Variants in FBXO27 observed in about 807,000 individuals in gnomAD.
The protein encoded by FBXO27 is F-box protein 27, also known as F-box only protein 27.
In FBXO27, 28 loss-of-function variants were observed where a neutral mutation model predicts 28.3. The observed-to-expected ratio is 0.99, with a 90% CI of 0.73 to 1.36. The LOEUF is 1.36. Ranked by LOEUF, FBXO27 falls within the 40% of genes most tolerant of loss-of-function variation. The pLI, the probability that FBXO27 is intolerant of heterozygous loss-of-function variation, is 0.00. For synonymous variants in FBXO27, 175 were observed against 167.3 expected, an observed-to-expected ratio of 1.05 and a Z score of -0.36; for missense variants, 388 against 394.1, an observed-to-expected ratio of 0.98 and a Z score of 0.13.
At chr19:39,011,227 T>C (rs931709332) in intron 2 of FBXO27, among the ~76,000 whole-genome samples, 1 of 152,166 alleles carries the variant, frequency 6.6e-6, no homozygotes, top group Non-Finnish European at 1.5e-5. Flanking sequence ...GGTCAGGAGT[T>C]TGAGACCACC....
downstream of FBXO27, among the ~76,000 whole-genome samples, chr19:39,022,861 G>A (rs1048224602): frequency 5.3e-5 from 8 of 151,936 alleles, no homozygotes; most frequent in Admixed American, 2.0e-4. Context: ...GCAATGGCGC[G>A]ATCTTGGCTT....
chr19:39,020,755 C>CA (rs61577516), downstream of FBXO27, among the ~76,000 whole-genome samples: 214 of 105,264 alleles, frequency 2.0e-3, 4 homozygotes, highest in East Asian at 0.013. Context: ...GTGGATATGG[C>CA]AAAAAAAAAA....
At chr19:39,022,860 C>T (rs151095767), downstream of FBXO27, among the ~76,000 whole-genome samples, 341 of 151,992 alleles carry the variant, frequency 2.2e-3, 2 homozygotes, top group African/African-American at 7.9e-3. Context: ...AGCAATGGCG[C>T]GATCTTGGCT....
In FBXO27 at chr19:39,016,374, G is replaced by GTC. The variant is rs527714110; in HGVS notation, c.92-1828_92-1827insGA. Among the ~76,000 whole-genome samples, 629 of 151,992 alleles carry GTC rather than the reference G, an allele frequency of 4.1e-3. 7 individuals are homozygous for GTC. Among genetic ancestry groups the GTC allele is most frequent in the African/African-American group, 0.014 (588 of 41,464 alleles). ...TAGCGGGAAGGGTGTGTGTGTGTGT[G>GTC]TGCGTGAGGGGCTGGGGGAAACGGG... On this transcript the variant is annotated intron_variant, in intron 1 of 2. Coordinates refer to the FBXO27 transcript ENST00000598394.
At chr19:39,026,769 G>A in intron 5 of FBXO27, 101 bp downstream of exon 5, 1 of 1,552,148 alleles carries the variant, frequency 6.4e-7, no homozygotes, top group Non-Finnish European at 8.8e-7. Flanking sequence ...ACCGCACCCA[G>A]CCAGACTGTC....
In FBXO27 at chr19:39,031,955, A is replaced by G; in HGVS notation, c.273T>C (p.Ser91=). ...GGCAAGGCCTGGCGTTACGGGCGGG[A>G]GACTGGCAGCTGCGGGCGAGGTGCA... is the stretch of plus-strand genomic sequence containing the variant. ...ALLHLARSCQ[S]PARNARPCPL... is the part of the protein sequence containing the mutation. The change falls in exon 2 of 6, where the codon TCT becomes TCC. Residue 91 remains serine (S), a synonymous_variant. Transcript: ENST00000292853. 6.6e-7 allele frequency: 1 copy of G among 1,518,578 alleles called. No homozygotes were observed. The highest frequency in any genetic ancestry group is 8.7e-7 in the Non-Finnish European group (1 of 1,144,712). 94.1% of individuals were successfully genotyped at this position (1,518,578 alleles called of 1,614,324 possible). A position where few individuals can be genotyped will look rare whatever the true frequency, so the allele number is the denominator to read the frequency against.
chr19:39,023,191 C>T (rs114896922), downstream of FBXO27, among the ~76,000 whole-genome samples: 4,884 of 152,256 alleles, frequency 0.032, 262 homozygotes, highest in African/African-American at 0.11. Context: ...CTGCCGCGGT[C>T]CCCCAGAGTA....
intron 1 of FBXO27, among the ~76,000 whole-genome samples, chr19:39,015,032 A>AG: frequency 6.6e-6 from 1 of 150,550 alleles, no homozygotes; most frequent in African/African-American, 2.4e-5. Flanking sequence ...AAAAAAAAAA[A>AG]AGGTTGGGGG....
In FBXO27 at chr19:39,008,458, C is replaced by T. The variant is rs535492239; in HGVS notation, c.252+5929G>A. 1.2e-4 allele frequency among the ~76,000 whole-genome samples: 18 copies of T among 152,106 alleles called. 1 individual carries two copies. In the South Asian group the frequency reaches 2.9e-3, roughly 25 times the overall value. On this transcript the variant is annotated intron_variant, in intron 2 of 2. Coordinates refer to the FBXO27 transcript ENST00000598394. ...TGTTACAAAATCAGTATGTCTCATT[C>T]GGTCATTATAACTTTAGATTTTTTT... is the stretch of plus-strand genomic sequence containing the variant.
At chr19:39,027,060 T>C in intron 4 of FBXO27, 55 bp from the exon 5 acceptor site, 1 of 1,603,990 alleles carries the variant, frequency 6.2e-7, no homozygotes, top group Non-Finnish European at 8.5e-7. Flanking sequence ...TCTTTGGGTG[T>C]CTGCCTACCT....
intron 1 of FBXO27, among the ~76,000 whole-genome samples, chr19:39,016,663 T>C (rs1031966857): frequency 9.5e-5 from 14 of 147,634 alleles, no homozygotes; most frequent in African/African-American, 2.8e-4. Flanking sequence ...CACGCACCTG[T>C]AATTCCAGCT....
chr19:39,032,206 C>T lies in FBXO27; in HGVS notation c.22G>A (p.Gly8Ser). MGASVSR[G>S]RAARVPAPEP... ...GGCGCGGGGACCCGGGCGGCCCGGCCCCTGGAGACCGAGGCGCCCATGGTC... is the reference window on the plus strand; with the variant it reads ...GGCGCGGGGACCCGGGCGGCCCGGCTCCTGGAGACCGAGGCGCCCATGGTC... The change falls in exon 2 of 6, where the codon GGC becomes AGC. Residue 8 changes from glycine to serine, a missense_variant. Physicochemically the swap from Gly to Ser is moderately conservative, Grantham distance 56 (BLOSUM62 0). Transcript: ENST00000292853. The surrounding 1 kb of genome is among the most constrained non-coding windows in gnomAD (Gnocchi z 4.7). The T allele has an allele frequency of 6.8e-7, 1 of 1,461,872 alleles. No individual in the cohort carries two copies. Among genetic ancestry groups the T allele is most frequent in the Non-Finnish European group, 9.0e-7 (1 of 1,113,202 alleles). 90.6% of individuals were successfully genotyped at this position (1,461,872 alleles called of 1,614,324 possible).
intron 1 of FBXO27, among the ~76,000 whole-genome samples, chr19:39,017,572 G>T (rs1452647124): frequency 6.6e-6 from 1 of 151,228 alleles, no homozygotes; most frequent in Non-Finnish European, 1.5e-5. Context: ...GCACGTGCCT[G>T]TAATGCCACT....
intron 4 of FBXO27, among the ~76,000 whole-genome samples, chr19:39,028,532 C>G (rs1405928983): frequency 6.6e-6 from 1 of 152,040 alleles, no homozygotes; most frequent in Non-Finnish European, 1.5e-5. Context: ...TCCAGGAGTT[C>G]AAGGCCAGCC....
At chr19:39,016,493 T>A (rs6508836) in intron 1 of FBXO27, among the ~76,000 whole-genome samples, 72,358 of 151,084 alleles carry the variant, frequency 0.48, 17,467 homozygotes, top group Middle Eastern at 0.58. Context: ...GGCTCACGCC[T>A]GTAATCCTAG....
intron 2 of FBXO27, among the ~76,000 whole-genome samples, chr19:39,013,459 G>A (rs953672134): frequency 6.6e-6 from 1 of 151,612 alleles, no homozygotes; most frequent in African/African-American, 2.4e-5. Context: ...GTGAAGCCCC[G>A]TCTCTACTAA....
chr19:39,010,388 G>C (rs1191223642), intron 2 of FBXO27, among the ~76,000 whole-genome samples: 6 of 152,046 alleles, frequency 3.9e-5, no homozygotes. Flanking sequence ...GAATGGTCTT[G>C]GCACCGTTGT....
intron 5 of FBXO27, among the ~76,000 whole-genome samples, chr19:39,026,306 T>G (rs963082712): frequency 3.3e-5 from 5 of 152,030 alleles, no homozygotes; most frequent in Non-Finnish European, 5.9e-5. Context: ...AAAGAGATGT[T>G]TGGCCAGCCA....
chr19:39,028,853 C>T (rs1322852707), intron 4 of FBXO27, among the ~76,000 whole-genome samples: 1 of 151,068 alleles, frequency 6.6e-6, no homozygotes, highest in Admixed American at 6.6e-5. Context: ...ACAAGTGAAA[C>T]TTTGTCTCAA....
Sources: allele counts gnomAD v4.1 joint callset (sites outside exome capture counted in the v4.1 genomes callset), GRCh38; gene constraint gnomAD v4.1.1; non-coding constraint Gnocchi (gnomAD v3.1); transcripts MANE v1.5; gene names NCBI Gene and HGNC (gene_info 2026-07-23, HGNC 2026-07-21).